Variants in SNX22 observed in about 807,000 individuals in gnomAD.
The protein encoded by SNX22 is sorting nexin-22.
Under a neutral mutation model 24.7 loss-of-function variants are expected in SNX22, and 23 were observed. The ratio of observed to expected loss-of-function variants is 0.93; its 90% CI spans 0.67 to 1.32. SNX22 has a LOEUF of 1.32. Ranked by LOEUF, SNX22 falls within the 40% of genes most tolerant of loss-of-function variation. The pLI is 0.00. For missense variants in SNX22, 261 were observed against 249.9 expected, an observed-to-expected ratio of 1.04 and a Z score of -0.30; for synonymous variants, 99 against 104.0, an observed-to-expected ratio of 0.95 and a Z score of 0.29.
Position 64,156,684 on chromosome 15 carries a change from G to A in SNX22, c.*2176G>A, listed in dbSNP as rs776044392. 3 of 1,609,754 alleles carry A rather than the reference G, an allele frequency of 1.9e-6. No homozygotes were observed. The highest frequency in any genetic ancestry group is 2.2e-5 in the South Asian group (2 of 90,990). On this transcript the variant is annotated 3_prime_UTR_variant, in exon 7 of 7. Transcript: ENST00000325881. This position sits in a 1 kb window ranked among gnomAD's most constrained non-coding sequence, Gnocchi z 6.4. ...CCCTGGGGTCTGTGTTGAATCCCCG[G>A]TGAGGATTGCCCAGTAGTAGCCCTT...
chr15:64,153,378 A>G (rs1345445020), intron 4 of SNX22, 39 bp downstream of exon 4: 2 of 1,612,390 alleles, frequency 1.2e-6, no homozygotes, highest in African/African-American at 2.7e-5. Flanking sequence ...GGCTGTCAGC[A>G]GTGAGCAGGT....
chr15:64,156,353 G>A lies in SNX22; in HGVS notation c.*1845G>A. 1.4e-6 allele frequency: 1 copy of A among 726,666 alleles called. No individual in the cohort carries two copies. Among genetic ancestry groups the A allele is most frequent in the Non-Finnish European group, 2.3e-6 (1 of 429,108 alleles). 45.0% of individuals were successfully genotyped at this position (726,666 alleles called of 1,614,324 possible). A position where few individuals can be genotyped will look rare whatever the true frequency, so the allele number is the denominator to read the frequency against. ...GGGGGTACAGGAATTTTGTTCCTTT[G>A]AAGTAAGACCCAGGTTGGGCCAAGG... On this transcript the variant is annotated 3_prime_UTR_variant, in exon 7 of 7. Transcript: ENST00000325881. This position sits in a 1 kb window ranked among gnomAD's most constrained non-coding sequence, Gnocchi z 6.4.
At chr15:64,152,352 G>T in intron 2 of SNX22, 26 bp downstream of exon 2, 1 of 1,495,928 alleles carries the variant, frequency 6.7e-7, no homozygotes. Flanking sequence ...CCTCCCACCG[G>T]CCCCGGCCCA....
Position 64,156,649 on chromosome 15 carries a change from G to A in SNX22, c.*2141G>A. On this transcript the variant is annotated 3_prime_UTR_variant, in exon 7 of 7. Coordinates refer to ENST00000325881, the MANE Select transcript of SNX22 (RefSeq NM_024798.3). This position sits in a 1 kb window ranked among gnomAD's most constrained non-coding sequence, Gnocchi z 6.4. ...CCTTTTGGGAAAGGGATGGACACAT[G>A]GAGCTCCTGCCCTGGGGTCTGTGTT... 6.4e-7 allele frequency: 1 copy of A among 1,560,338 alleles called. No individual in the cohort carries two copies. Among genetic ancestry groups the A allele is most frequent in the Admixed American group, 1.7e-5 (1 of 59,930 alleles).
rs900762410 is a variant in SNX22 at position 64,155,295 on chromosome 15, G to C, written c.*787G>C. The stretch of plus-strand genomic sequence containing the variant: ...GGAGAATCTCTTGAAGCCAGGAGGC[G>C]GAAGTTGTGGTGAGCCGAGATCGCG... On this transcript the variant is annotated 3_prime_UTR_variant, in exon 7 of 7. Transcript: ENST00000325881. 6.6e-6 allele frequency: 1 copy of C among 152,200 alleles called. No homozygotes were observed. The highest frequency in any genetic ancestry group is 1.5e-5 in the Non-Finnish European group (1 of 68,342). 9.4% of individuals were successfully genotyped at this position (152,200 alleles called of 1,614,324 possible). A position where few individuals can be genotyped will look rare whatever the true frequency, so the allele number is the denominator to read the frequency against.
chr15:64,156,578 G>C lies in SNX22; in HGVS notation c.*2070G>C. 1.0e-6 allele frequency: 1 copy of C among 1,004,850 alleles called. No individual in the cohort carries two copies. The highest frequency in any genetic ancestry group is 1.3e-5 in the South Asian group (1 of 77,226). The allele number at this position is 1,004,850 out of a possible 1,614,324, so 62.2% of individuals were successfully genotyped here. On this transcript the variant is annotated 3_prime_UTR_variant, in exon 7 of 7. Transcript: ENST00000325881. This position sits in a 1 kb window ranked among gnomAD's most constrained non-coding sequence, Gnocchi z 6.4. ...AGAACCTTGGAGGCATGGAGGTACA[G>C]GGTTTATTCTGGACAGGAGCACTGG...
chr15:64,156,301 A>G lies in SNX22; in HGVS notation c.*1793A>G. ...CCAAAATTCTAACAGACTCCTGGCCAGAGCAGGGAGAATGCAGATTTGACG... is the reference window on the plus strand; with the variant it reads ...CCAAAATTCTAACAGACTCCTGGCCGGAGCAGGGAGAATGCAGATTTGACG... On this transcript the variant is annotated 3_prime_UTR_variant, in exon 7 of 7. Transcript: ENST00000325881. The surrounding 1 kb of genome is among the most constrained non-coding windows in gnomAD (Gnocchi z 6.4). 1 of 964,784 alleles carries G rather than the reference A, an allele frequency of 1.0e-6. No homozygotes were observed. Among genetic ancestry groups the G allele is most frequent in the East Asian group, 2.6e-5 (1 of 38,160 alleles). The allele number at this position is 964,784 out of a possible 1,614,324, so 59.8% of individuals were successfully genotyped here.
At position 64,156,307 on chromosome 15, in the gene SNX22, G is replaced by A. The variant is rs2081530980; in HGVS notation, c.*1799G>A. On this transcript the variant is annotated 3_prime_UTR_variant, in exon 7 of 7. Transcript: ENST00000325881. This position sits in a 1 kb window ranked among gnomAD's most constrained non-coding sequence, Gnocchi z 6.4. ...TTCTAACAGACTCCTGGCCAGAGCA[G>A]GGAGAATGCAGATTTGACGAGGGGG... is the stretch of plus-strand genomic sequence containing the variant. 12 of 942,150 alleles carry A rather than the reference G, an allele frequency of 1.3e-5. No homozygotes were observed. In the South Asian group the frequency reaches 1.4e-4, roughly 11 times the overall value. The allele number at this position is 942,150 out of a possible 1,614,324, so 58.4% of individuals were successfully genotyped here. A position where few individuals can be genotyped will look rare whatever the true frequency, so the allele number is the denominator to read the frequency against.
At chr15:64,152,602 G>C in intron 2 of SNX22, 36 bp from the exon 3 acceptor site, 1 of 1,591,746 alleles carries the variant, frequency 6.3e-7, no homozygotes, top group South Asian at 1.1e-5. Context: ...GGGCTCAGTC[G>C]GGATGCTGTG....
At position 64,154,518 on chromosome 15, in the gene SNX22, A is replaced by T. The variant is rs752967094; in HGVS notation, c.*10A>T. On this transcript the variant is annotated 3_prime_UTR_variant, in exon 7 of 7. Coordinates refer to ENST00000325881, the MANE Select transcript of SNX22 (RefSeq NM_024798.3). ...GCCACCGATGCCCTGATCAGTCCAGAGGCCTTTGGCTGCCTCCTAAGAAAG... is the reference window on the plus strand; with the variant it reads ...GCCACCGATGCCCTGATCAGTCCAGTGGCCTTTGGCTGCCTCCTAAGAAAG... The T allele has an allele frequency of 6.2e-7, 1 of 1,613,380 alleles. No individual in the cohort carries two copies. The highest frequency in any genetic ancestry group is 2.2e-5 in the East Asian group (1 of 44,864).
Position 64,157,030 on chromosome 15 carries a change from C to T in SNX22, c.*2522C>T. ...TGCCAGGCTAGGCTGGAGTGGACTACAAGGACATAAAAGCAGCGTCCTTCC... is the reference window on the plus strand; with the variant it reads ...TGCCAGGCTAGGCTGGAGTGGACTATAAGGACATAAAAGCAGCGTCCTTCC... On this transcript the variant is annotated 3_prime_UTR_variant, in exon 7 of 7. Coordinates refer to ENST00000325881, the MANE Select transcript of SNX22 (RefSeq NM_024798.3). The surrounding 1 kb of genome is among the most constrained non-coding windows in gnomAD (Gnocchi z 4.2). 5 of 1,079,480 alleles carry T rather than the reference C, an allele frequency of 4.6e-6. No individual in the cohort carries two copies. The highest frequency in any genetic ancestry group is 6.7e-6 in the Non-Finnish European group (5 of 750,298). 66.9% of individuals were successfully genotyped at this position (1,079,480 alleles called of 1,614,324 possible).
chr15:64,153,738 T>C, intron 5 of SNX22, 54 bp downstream of exon 5: 1 of 1,612,204 alleles, frequency 6.2e-7, no homozygotes, highest in Non-Finnish European at 8.5e-7. Flanking sequence ...AGTGGCCATA[T>C]GCTAGGAGGC....
chr15:64,152,701 G>C lies in SNX22; in HGVS notation c.223G>C (p.Gly75Arg). ...SKRLPNWRTRGLEQRRQGLEA... is the reference protein window; with the variant it reads ...SKRLPNWRTRRLEQRRQGLEA... The stretch of plus-strand genomic sequence containing the variant: ...ACGCCTGCCCAACTGGAGGACCAGA[G>C]GGTTGGAACAGCGCCGGCAGGGCTT... Residue 75 changes from glycine to arginine, a missense_variant, in exon 3 of 7, where the codon GGG (glycine) becomes CGG (arginine). Transcript: ENST00000325881. 6.2e-7 allele frequency: 1 copy of C among 1,614,240 alleles called. No individual in the cohort carries two copies. The highest frequency in any genetic ancestry group is 8.5e-7 in the Non-Finnish European group (1 of 1,180,038).
At chr15:64,152,120 C>T (rs1278122275) in intron 1 of SNX22, 123 bp from the exon 2 acceptor site, 4 of 1,032,748 alleles carry the variant, frequency 3.9e-6, no homozygotes, top group Non-Finnish European at 3.9e-6. Flanking sequence ...CGGGCAGCCG[C>T]GGCGCCGCAA....
In SNX22 at chr15:64,153,307, C is replaced by T. The variant is rs915451973; in HGVS notation, c.327C>T (p.His109=). The change falls in exon 4 of 7, where the codon CAC becomes CAT. Residue 109 remains histidine (H), a synonymous_variant. Transcript: ENST00000325881. ...KELLEFLRLR[H]FPTDPKASNW... is the part of the protein sequence containing the mutation. ...TACTGGAATTCCTGAGACTTCGGCA[C>T]TTCCCCACAGACCCCAAGGCTAGCA... The T allele has an allele frequency of 8.1e-6, 13 of 1,614,138 alleles. No homozygotes were observed. Among genetic ancestry groups the T allele is most frequent in the Non-Finnish European group, 1.1e-5 (13 of 1,179,988 alleles).
At chr15:64,154,032 G>A (rs1457269330) in intron 6 of SNX22, 30 bp downstream of exon 6, 7 of 1,614,140 alleles carry the variant, frequency 4.3e-6, no homozygotes, top group Non-Finnish European at 5.9e-6. Context: ...TGGGGCTACA[G>A]GGCTGGGTTG....
Position 64,154,372 on chromosome 15 carries a change from A to T in SNX22, c.461-15A>T. 1 of 1,614,052 alleles carries T rather than the reference A, an allele frequency of 6.2e-7. No homozygotes were observed. The highest frequency in any genetic ancestry group is 8.5e-7 in the Non-Finnish European group (1 of 1,179,990). On this transcript the variant is annotated splice_polypyrimidine_tract_variant and intron_variant, in intron 6 of 6. Transcript: ENST00000325881. ...TGCAGGTCTGAGGCCAGACCTGTTT[A>T]ATTCTATCCCACAGAGTCGCTGCCC...
intron 1 of SNX22, 143 bp downstream of exon 1, chr15:64,151,993 G>A: frequency 1.1e-6 from 1 of 916,804 alleles, no homozygotes. Context: ...GAGGGTTTGG[G>A]GGCCGCTTGG....
In SNX22 at chr15:64,153,978, C is replaced by G; in HGVS notation, c.436C>G (p.Pro146Ala). ...GCCTGTCCTGAGCTTCCATGTGGAT[C>G]CCTATGTTTGCAACCCCTCCCCAGG... ...QRPVLSFHVDPYVCNPSPESL... is the reference protein window; with the variant it reads ...QRPVLSFHVDAYVCNPSPESL... Residue 146 changes from proline to alanine, a missense_variant, in exon 6 of 7, where the codon CCC (proline) becomes GCC (alanine). Pro to Ala is a conservative substitution (Grantham distance 27). Transcript: ENST00000325881. The G allele has an allele frequency of 6.2e-7, 1 of 1,613,986 alleles. No homozygotes were observed. Among genetic ancestry groups the G allele is most frequent in the Non-Finnish European group, 8.5e-7 (1 of 1,179,986 alleles).
Sources: gnomAD v4.1 joint callset for allele counts on GRCh38, gnomAD v4.1.1 for gene constraint, Gnocchi (gnomAD v3.1) non-coding constraint, MANE v1.5 for transcripts, NCBI Gene and HGNC (gene_info 2026-07-23, HGNC 2026-07-21) for gene names.